Variants in KCNT2 observed in about 807,000 individuals in gnomAD.
KCNT2 encodes potassium sodium-activated channel subfamily T member 2.
In KCNT2, 67 loss-of-function variants were observed where a neutral mutation model predicts 153.8. The observed-to-expected ratio is 0.44, with a 90% CI of 0.36 to 0.53. KCNT2 has a LOEUF of 0.53. KCNT2 is among the 20% of genes least tolerant of loss of function. The pLI is 0.00. For missense variants in KCNT2, 975 were observed against 1,354.8 expected, an observed-to-expected ratio of 0.72 and a Z score of 4.40; for synonymous variants, 500 against 458.8, an observed-to-expected ratio of 1.09 and a Z score of -1.15.
At chr1:196,440,681 T>C (rs936404007) in intron 8 of KCNT2, among the ~76,000 whole-genome samples, 8 of 151,956 alleles carry the variant, frequency 5.3e-5, no homozygotes, top group African/African-American at 1.9e-4. Flanking sequence ...AGGAATTTAA[T>C]AATGAAACTG....
At chr1:196,492,390 T>C (rs777057111) in intron 1 of KCNT2, 49 bp from the exon 2 acceptor site, 5 of 1,171,958 alleles carry the variant, frequency 4.3e-6, no homozygotes, top group Non-Finnish European at 4.4e-6. Flanking sequence ...CAACCATATC[T>C]TTATTTTCAT....
At chr1:196,599,771 G>T (rs931578532) in intron 1 of KCNT2, among the ~76,000 whole-genome samples, 2 of 152,110 alleles carry the variant, frequency 1.3e-5, no homozygotes, top group Non-Finnish European at 2.9e-5. Context: ...AGATAAATAC[G>T]TTCAATCTAA....
At chr1:196,568,486 C>T (rs566381018) in intron 1 of KCNT2, among the ~76,000 whole-genome samples, 55 of 151,802 alleles carry the variant, frequency 3.6e-4, no homozygotes, top group Non-Finnish European at 6.3e-4. Context: ...GTCCCAGCTA[C>T]ACGGAAGCCT....
Position 196,280,778 on chromosome 1 carries a change from T to C in KCNT2, c.2910+82A>G, listed in dbSNP as rs1439680290. ...TCTTTTTCACTTTCTCTTGCATTTT[T>C]TATAAATCAGTTTATAAGCTTATGA... On this transcript the variant is annotated intron_variant, in intron 25 of 27. Transcript: ENST00000294725. 34 of 1,299,986 alleles carry C rather than the reference T, an allele frequency of 2.6e-5. 1 individual carries two copies. The South Asian group carries it at 3.0e-4, about 12-fold the overall frequency. The allele number at this position is 1,299,986 out of a possible 1,614,324, so 80.5% of individuals were successfully genotyped here.
chr1:196,427,800 C>A (rs1452068607), intron 10 of KCNT2, among the ~76,000 whole-genome samples: 1 of 151,994 alleles, frequency 6.6e-6, no homozygotes, highest in Non-Finnish European at 1.5e-5. Context: ...ATAAAAATAT[C>A]ATTTATGCTC....
At chr1:196,285,149 A>G (rs1659538069) in intron 23 of KCNT2, among the ~76,000 whole-genome samples, 1 of 152,198 alleles carries the variant, frequency 6.6e-6, no homozygotes, top group Non-Finnish European at 1.5e-5. Flanking sequence ...GCATTCAGGA[A>G]CAAACTCAGT....
intron 1 of KCNT2, among the ~76,000 whole-genome samples, chr1:196,566,280 G>T (rs1305197938): frequency 6.6e-6 from 1 of 151,916 alleles, no homozygotes; most frequent in Non-Finnish European, 1.5e-5. Flanking sequence ...TAACAAAGCA[G>T]CAAAGGGCAC....
At chr1:196,521,705 A>G (rs58349935) in intron 1 of KCNT2, among the ~76,000 whole-genome samples, 2,620 of 152,222 alleles carry the variant, frequency 0.017, 79 homozygotes, top group African/African-American at 0.059. Context: ...GAAACAGAAT[A>G]CCAAAAACCA....
In KCNT2 at chr1:196,329,950, C is replaced by CATATATATATATATATAT. The variant is rs71154737; in HGVS notation, c.2103+1188_2103+1205dup. Reference sequence around the variant, plus strand: ...AAATGGATAATTCTGTTCCTCAAGACATATATATATATATATATATATATA... The same window carrying CATATATATATATATATAT: ...AAATGGATAATTCTGTTCCTCAAGACATATATATATATATATATATATATATATATATATATATATATA... On this transcript the variant is annotated intron_variant, in intron 18 of 27. Transcript: ENST00000294725. Among the ~76,000 whole-genome samples, 41 of 73,526 alleles carry CATATATATATATATATAT rather than the reference C, an allele frequency of 5.6e-4. 2 individuals carry two copies. The highest frequency in any genetic ancestry group is 1.3e-3 in the African/African-American group (20 of 14,982). 48.2% of individuals were successfully genotyped at this position (73,526 alleles called of 152,430 possible). A position where few individuals can be genotyped will look rare whatever the true frequency, so the allele number is the denominator to read the frequency against.
At position 196,277,447 on chromosome 1, in the gene KCNT2, G is replaced by A. The variant is rs115069385; in HGVS notation, c.2910+3413C>T. Among the ~76,000 whole-genome samples the A allele has an allele frequency of 4.5e-3, 679 of 152,192 alleles. 4 individuals carry two copies. The highest frequency in any genetic ancestry group is 0.015 in the African/African-American group (615 of 41,518). ...TACAGAATGTATCTTTTAACTTAGC[G>A]TTCAGAATTCAGTGTGATACTCCTA... is the stretch of plus-strand genomic sequence containing the variant. On this transcript the variant is annotated intron_variant, in intron 25 of 27. Coordinates refer to ENST00000294725, the MANE Select transcript of KCNT2 (RefSeq NM_198503.5).
intron 21 of KCNT2, 33 bp downstream of exon 21, chr1:196,315,859 T>A (rs2148019305): frequency 6.3e-7 from 1 of 1,578,266 alleles, no homozygotes; most frequent in Non-Finnish European, 8.6e-7. Flanking sequence ...TAGCACAAAG[T>A]AAGTGGCAAG....
At chr1:196,495,112 T>G (rs1050015023) in intron 1 of KCNT2, among the ~76,000 whole-genome samples, 2 of 152,174 alleles carry the variant, frequency 1.3e-5, no homozygotes, top group African/African-American at 4.8e-5. Context: ...TGAGTCAATA[T>G]AATCATTGAG....
chr1:196,503,050 T>C (rs1680828254), intron 1 of KCNT2, among the ~76,000 whole-genome samples: 1 of 152,046 alleles, frequency 6.6e-6, no homozygotes, highest in Non-Finnish European at 1.5e-5. Context: ...CGTTTATTCA[T>C]TTTTATACTA....
chr1:196,326,611 T>G, intron 19 of KCNT2, 106 bp downstream of exon 19: 1 of 565,244 alleles, frequency 1.8e-6, no homozygotes, highest in Non-Finnish European at 3.0e-6. Context: ...CCATAATGTA[T>G]CTGATTTAAA....
At chr1:196,488,729 T>C (rs997009780) in intron 3 of KCNT2, among the ~76,000 whole-genome samples, 1 of 152,038 alleles carries the variant, frequency 6.6e-6, no homozygotes, top group African/African-American at 2.4e-5. Context: ...CAACACACTA[T>C]CAATAAAATT....
intron 12 of KCNT2, among the ~76,000 whole-genome samples, chr1:196,418,956 CA>C (rs1160328554): frequency 3.3e-5 from 5 of 151,990 alleles, no homozygotes; most frequent in Admixed American, 6.6e-5. Context: ...CCACTCCTCA[CA>C]ATGGTCTGAC....
chr1:196,403,419 G>A (rs1671578560), intron 12 of KCNT2, among the ~76,000 whole-genome samples: 1 of 151,566 alleles, frequency 6.6e-6, no homozygotes, highest in Non-Finnish European at 1.5e-5. Flanking sequence ...AGGATGTATA[G>A]GTAGAGCAGA....
intron 14 of KCNT2, among the ~76,000 whole-genome samples, chr1:196,372,724 T>C (rs771932737): frequency 1.8e-4 from 28 of 151,910 alleles, no homozygotes; most frequent in Non-Finnish European, 1.3e-4. Flanking sequence ...ACATTAAGCT[T>C]TCAGATAAAA....
chr1:196,444,700 T>G (rs1675538322), intron 8 of KCNT2, among the ~76,000 whole-genome samples: 1 of 151,356 alleles, frequency 6.6e-6, no homozygotes, highest in Non-Finnish European at 1.5e-5. Context: ...TTATTTCATA[T>G]ACAACACTAA....
Sources: gnomAD v4.1 joint callset for allele counts (sites outside exome capture counted in the v4.1 genomes callset) on GRCh38, gnomAD v4.1.1 for gene constraint, MANE v1.5 for transcripts, NCBI Gene and HGNC (gene_info 2026-07-23, HGNC 2026-07-21) for gene names.